The following SPON1 variants were observed in gnomAD, a reference collection of about 807,000 sequenced individuals.
SPON1 encodes the protein spondin-1.
In SPON1, 52 loss-of-function variants were observed where a neutral mutation model predicts 111.7. The ratio of observed to expected loss-of-function variants is 0.47; its 90% CI spans 0.37 to 0.59. The LOEUF (loss-of-function observed/expected upper bound fraction) is 0.59. SPON1 is among the 20% of genes least tolerant of loss of function. The probability of loss-of-function intolerance (pLI) is 0.00; values close to 1 mark genes in which losing one functional copy is unlikely to be tolerated. For synonymous variants in SPON1, 410 were observed against 395.8 expected (o/e 1.04, Z -0.43); for missense variants, 957 against 1,068.5 (o/e 0.90, Z 1.46).
At chr11:13,985,171 A>C (rs1332908341) in intron 2 of SPON1, among the ~76,000 whole-genome samples, 1 of 152,244 alleles carries the variant, frequency 6.6e-6, no homozygotes, top group African/African-American at 2.4e-5. Flanking sequence ...CCATTATTCT[A>C]ATGAGACATA....
chr11:14,010,328 G>A (rs1848394359), intron 2 of SPON1, among the ~76,000 whole-genome samples: 1 of 152,086 alleles, frequency 6.6e-6, no homozygotes. Flanking sequence ...GAGGATTCAT[G>A]TCTAGAGATG....
chr11:14,028,518 C>G (rs1300631621), intron 2 of SPON1, among the ~76,000 whole-genome samples: 1 of 151,930 alleles, frequency 6.6e-6, no homozygotes, highest in Non-Finnish European at 1.5e-5. Flanking sequence ...AGGGTATTTA[C>G]TTATTAAACA....
rs1016538323 is a variant in SPON1 at position 13,969,223 on chromosome 11, A to C, written c.238+6081A>C. Among the ~76,000 whole-genome samples the C allele has an allele frequency of 1.4e-3, 195 of 141,434 alleles. 1 individual carries two copies. Among genetic ancestry groups the C allele is most frequent in the African/African-American group, 5.6e-3 (178 of 31,888 alleles). The allele number at this position is 141,434 out of a possible 152,430, so 92.8% of individuals were successfully genotyped here. A position where few individuals can be genotyped will look rare whatever the true frequency, so the allele number is the denominator to read the frequency against. On this transcript the variant is annotated intron_variant, in intron 1 of 15. Transcript: ENST00000576479. Reference sequence around the variant, plus strand: ...GGCAAAACCCATCTCTACAAAAAAAAAAAAAAAAAAAAATTAGCTGGCTGT... The same window carrying C: ...GGCAAAACCCATCTCTACAAAAAAACAAAAAAAAAAAAATTAGCTGGCTGT...
intron 7 of SPON1, among the ~76,000 whole-genome samples, chr11:14,251,902 G>A (rs1849057043): frequency 6.6e-6 from 1 of 152,230 alleles, no homozygotes; most frequent in Non-Finnish European, 1.5e-5. Flanking sequence ...CGTGGGAAAA[G>A]GAAATTAAAT....
At chr11:14,131,091 C>T (rs1438822837) in intron 5 of SPON1, among the ~76,000 whole-genome samples, 1 of 152,144 alleles carries the variant, frequency 6.6e-6, no homozygotes, top group African/African-American at 2.4e-5. Context: ...CATTTACCAC[C>T]ATCGGCACTC....
At chr11:14,093,318 CTT>C (rs1294839794) in intron 5 of SPON1, among the ~76,000 whole-genome samples, 2 of 152,212 alleles carry the variant, frequency 1.3e-5, no homozygotes, top group African/African-American at 4.8e-5. Context: ...CATGCCCATT[CTT>C]TGCCAAGGAA....
chr11:14,198,469 G>A (rs1848426171), intron 6 of SPON1, among the ~76,000 whole-genome samples: 1 of 152,230 alleles, frequency 6.6e-6, no homozygotes, highest in Admixed American at 6.5e-5. Flanking sequence ...TGTTGCTATG[G>A]AATTTGAAAA....
intron 2 of SPON1, among the ~76,000 whole-genome samples, chr11:14,010,881 C>T (rs1470519108): frequency 2.6e-5 from 4 of 152,220 alleles, no homozygotes; most frequent in South Asian, 2.1e-4. Context: ...GCATTTCTGT[C>T]TACTGCAGAT....
At chr11:14,077,876 G>T (rs1378677043) in intron 4 of SPON1, among the ~76,000 whole-genome samples, 2 of 151,532 alleles carry the variant, frequency 1.3e-5, no homozygotes, top group Non-Finnish European at 2.9e-5. Context: ...AGAAAAAAGA[G>T]AAAAATGTCA....
At chr11:14,161,506 A>G (rs1313649366) in intron 6 of SPON1, among the ~76,000 whole-genome samples, 1 of 150,930 alleles carries the variant, frequency 6.6e-6, no homozygotes, top group African/African-American at 2.4e-5. Flanking sequence ...TTTAGTAGAG[A>G]CGGGCTTTCC....
At chr11:13,967,572 T>C (rs1447372032) in intron 1 of SPON1, among the ~76,000 whole-genome samples, 1 of 151,794 alleles carries the variant, frequency 6.6e-6, no homozygotes, top group Non-Finnish European at 1.5e-5. Context: ...GATTTGACTG[T>C]TGTTTTGTTT....
Position 13,987,169 on chromosome 11 carries a change from C to T in SPON1, c.345+4216C>T, listed in dbSNP as rs183830366. On this transcript the variant is annotated intron_variant, in intron 2 of 15. Transcript: ENST00000576479. ...CTTCCACAATGGTTGAACTAATTTA[C>T]ACTCCCACCAACAGTGTAAAAGCGT... Among the ~76,000 whole-genome samples the T allele has an allele frequency of 3.3e-5, 5 of 152,304 alleles. No homozygotes were observed. The East Asian group carries it at 5.8e-4, about 18-fold the overall frequency.
intron 2 of SPON1, among the ~76,000 whole-genome samples, chr11:13,987,477 A>G (rs1181604537): frequency 1.3e-5 from 2 of 152,182 alleles, no homozygotes; most frequent in Admixed American, 6.5e-5. Flanking sequence ...GATAGAGTGC[A>G]AAAATTTTCT....
chr11:14,161,754 G>A (rs896945131), intron 6 of SPON1, among the ~76,000 whole-genome samples: 15 of 152,116 alleles, frequency 9.9e-5, no homozygotes, highest in South Asian at 2.1e-4. Flanking sequence ...ATGTGTACTC[G>A]AAGTACAGTT....
chr11:13,999,424 C>CTTTTTT (rs11411530), intron 2 of SPON1, among the ~76,000 whole-genome samples: 1 of 142,564 alleles, frequency 7.0e-6, no homozygotes, highest in African/African-American at 2.6e-5. Context: ...CATTTTCTTT[C>CTTTTTT]TTTTTTTTTT....
chr11:14,224,768 G>C (rs782061078), intron 6 of SPON1: 2 of 500,108 alleles, frequency 4.0e-6, no homozygotes, highest in Non-Finnish European at 8.0e-6. Flanking sequence ...TATGAGGCCG[G>C]AGAAGTAGGT....
chr11:14,059,519 T>G (rs782647046), intron 3 of SPON1, among the ~76,000 whole-genome samples: 1 of 151,862 alleles, frequency 6.6e-6, no homozygotes, highest in Non-Finnish European at 1.5e-5. Context: ...ACCTACTATG[T>G]GCCAGGCTAA....
chr11:14,254,595 A>G lies in SPON1; in HGVS notation c.958A>G (p.Met320Val), dbSNP rs373288996. Residue 320 changes from methionine to valine, a missense_variant, in exon 8 of 16, where the codon ATG becomes GTG. Transcript: ENST00000576479. ...CCATTTAATGTCCTTCCTGACCATG[A>G]TGGGCCCTAGTCCCGACTGGAACGT... ...TRHLMSFLTMMGPSPDWNVGL... is the reference protein window; with the variant it reads ...TRHLMSFLTMVGPSPDWNVGL... The G allele has an allele frequency of 3.7e-6, 6 of 1,613,706 alleles. No individual in the cohort carries two copies. In the African/African-American group the frequency reaches 6.7e-5, roughly 18 times the overall value.
chr11:14,120,459 G>A (rs1849296693), intron 5 of SPON1, among the ~76,000 whole-genome samples: 2 of 152,060 alleles, frequency 1.3e-5, no homozygotes, highest in Non-Finnish European at 2.9e-5. Flanking sequence ...TCCAGAGGCT[G>A]GAGCTGGAAC....
Sources: allele counts gnomAD v4.1 joint callset (sites outside exome capture counted in the v4.1 genomes callset), GRCh38; gene constraint gnomAD v4.1.1; transcripts MANE v1.5; gene names NCBI Gene and HGNC (gene_info 2026-07-23, HGNC 2026-07-21).